C1QTNF9: variants seen among roughly 807,000 people sequenced by gnomAD.
C1QTNF9 encodes complement C1q and tumor necrosis factor-related protein 9A.
C1QTNF9 carries 6 observed loss-of-function variants against 10.1 expected under a neutral mutation model. The ratio of observed to expected loss-of-function variants is 0.59; its 90% CI spans 0.32 to 1.17. The LOEUF (loss-of-function observed/expected upper bound fraction) is 1.17. C1QTNF9 is among the 50% of genes most tolerant of loss of function. The probability of loss-of-function intolerance (pLI) is 0.04; values close to 1 mark genes in which losing one functional copy is unlikely to be tolerated. For synonymous variants in C1QTNF9, 98 were observed against 163.5 expected (o/e 0.60, Z 3.06); for missense variants, 201 against 418.8 (o/e 0.48, Z 4.54).
At chr13:24,309,684 T>C (rs1459534107) in intron 1 of C1QTNF9, 68 bp downstream of exon 1, 1 of 152,214 alleles carries the variant, frequency 6.6e-6, no homozygotes, top group Non-Finnish European at 1.5e-5. Context: ...ACAACGCTTA[T>C]ATTATCTGTG....
At chr13:24,307,503 AAGTCAACAGCCC>A (rs1187365800), upstream of C1QTNF9, among the ~76,000 whole-genome samples, 1 of 152,244 alleles carries the variant, frequency 6.6e-6, no homozygotes, top group Non-Finnish European at 1.5e-5. Flanking sequence ...CAGAAGAGCT[AAGTCAACAGCCC>A]ATTGTTTGCT....
In C1QTNF9 at chr13:24,312,913, C is replaced by G. The variant is rs552337224; in HGVS notation, c.-22-3069C>G. On this transcript the variant is annotated intron_variant, in intron 1 of 3. Transcript: ENST00000332018. ...GAGCTTGCAGTGAGCCAAGATCGCG[C>G]CACTGCACTCCAGCCTGGGCGACAG... 2.5e-4 allele frequency among the ~76,000 whole-genome samples: 38 copies of G among 150,338 alleles called. 1 individual carries two copies. The South Asian group carries it at 7.4e-3, about 29-fold the overall frequency.
chr13:24,316,326 C>T (rs916033669), intron 2 of C1QTNF9, among the ~76,000 whole-genome samples, 157 bp downstream of exon 2: 1 of 152,112 alleles, frequency 6.6e-6, no homozygotes, highest in Non-Finnish European at 1.5e-5. Flanking sequence ...TGACCCCATT[C>T]ATCCATCCAC....
intron 1 of C1QTNF9, 100 bp from the exon 2 acceptor site, chr13:24,315,882 A>G (rs887347370): frequency 4.7e-5 from 60 of 1,282,598 alleles, no homozygotes; most frequent in Non-Finnish European, 6.4e-5. Flanking sequence ...GGTCTGGGGC[A>G]GGGGACAGCT....
chr13:24,312,976 A>G (rs1877892870), intron 1 of C1QTNF9, among the ~76,000 whole-genome samples: 1 of 152,000 alleles, frequency 6.6e-6, no homozygotes, highest in South Asian at 2.1e-4. Flanking sequence ...AAAAGAAAAA[A>G]AAAATAGTGC....
chr13:24,322,231 A>T (rs115257791), exon 4 of C1QTNF9: 3,290 of 154,410 alleles, frequency 0.021, 92 homozygotes, highest in African/African-American at 0.073. Flanking sequence ...TTTTAAAAAA[A>T]TTTTATTTTA....
intron 2 of C1QTNF9, among the ~76,000 whole-genome samples, chr13:24,317,813 G>A (rs1878099410): frequency 6.8e-6 from 1 of 148,058 alleles, no homozygotes; most frequent in Non-Finnish European, 1.5e-5. Context: ...CAAAAAGAGG[G>A]AAGGAGAGGA....
At chr13:24,320,387 TA>T (rs1390056875) in intron 3 of C1QTNF9, among the ~76,000 whole-genome samples, 2 of 152,192 alleles carry the variant, frequency 1.3e-5, no homozygotes, top group Non-Finnish European at 2.9e-5. Context: ...GATTTTCATT[TA>T]TTTTTATTTT....
upstream of C1QTNF9, among the ~76,000 whole-genome samples, chr13:24,309,283 T>TATATATATATATATATATATATA: frequency 1.5e-5 from 1 of 68,294 alleles, no homozygotes; most frequent in Non-Finnish European, 3.4e-5. Context: ...ACTTAAAGTA[T>TATATATATATATATATATATATA]TATATATATA....
At chr13:24,311,919 C>T (rs879877337) in intron 1 of C1QTNF9, among the ~76,000 whole-genome samples, 3 of 152,150 alleles carry the variant, frequency 2.0e-5, no homozygotes, top group Admixed American at 6.5e-5. Context: ...CCTTTAAGGC[C>T]GGTCATTGCA....
intron 3 of C1QTNF9, among the ~76,000 whole-genome samples, chr13:24,319,279 C>T (rs1279652772): frequency 2.0e-5 from 3 of 152,216 alleles, no homozygotes; most frequent in Non-Finnish European, 4.4e-5. Flanking sequence ...TGGCCCACAC[C>T]TGTAATCCCA....
At chr13:24,315,017 AT>A (rs1425401385) in intron 1 of C1QTNF9, among the ~76,000 whole-genome samples, 1 of 152,094 alleles carries the variant, frequency 6.6e-6, no homozygotes, top group Non-Finnish European at 1.5e-5. Flanking sequence ...TAAAAATTTA[AT>A]TTAATTGTTT....
intron 2 of C1QTNF9, among the ~76,000 whole-genome samples, chr13:24,317,011 A>T (rs1254257268): frequency 1.3e-5 from 2 of 152,234 alleles, no homozygotes; most frequent in Non-Finnish European, 2.9e-5. Flanking sequence ...ATCTCAGCTT[A>T]TGGCATTTGG....
intron 2 of C1QTNF9, among the ~76,000 whole-genome samples, chr13:24,317,583 C>T (rs1878089789): frequency 6.6e-6 from 1 of 151,094 alleles, no homozygotes; most frequent in Admixed American, 6.6e-5. Context: ...ATTGCTCACA[C>T]TAAAAATTTA....
chr13:24,315,973 C>G lies in C1QTNF9; in HGVS notation c.-22-9C>G, dbSNP rs1431466781. 1 of 1,612,990 alleles carries G rather than the reference C, an allele frequency of 6.2e-7. No homozygotes were observed. The highest frequency in any genetic ancestry group is 8.5e-7 in the Non-Finnish European group (1 of 1,179,342). The stretch of plus-strand genomic sequence containing the variant: ...ATTTCTCCTTTGGGTTTCTGTTTCC[C>G]TCTTTCAGTTCAGAGTCTGTCATCT... On this transcript the variant is annotated splice_polypyrimidine_tract_variant and intron_variant, in intron 1 of 3. Coordinates refer to ENST00000332018, the Ensembl canonical transcript of C1QTNF9.
At chr13:24,313,366 T>G (rs1239826120) in intron 1 of C1QTNF9, among the ~76,000 whole-genome samples, 3 of 152,258 alleles carry the variant, frequency 2.0e-5, no homozygotes, top group Non-Finnish European at 4.4e-5. Context: ...GACACCTTTA[T>G]GATCTTCTGA....
intron 2 of C1QTNF9, among the ~76,000 whole-genome samples, 183 bp downstream of exon 2, chr13:24,316,352 C>T (rs981459010): frequency 2.6e-5 from 4 of 152,076 alleles, no homozygotes; most frequent in African/African-American, 7.3e-5. Context: ...TGCCCAGCAA[C>T]ACTCACGGGG....
At chr13:24,321,731 C>G in exon 4 of C1QTNF9, 1 of 1,596,592 alleles carries the variant, frequency 6.3e-7, no homozygotes, top group African/African-American at 1.3e-5. Flanking sequence ...GACGATGACA[C>G]AACTTTCACA....
exon 2 of C1QTNF9, chr13:24,316,098 G>A (rs1403576860): frequency 6.2e-7 from 1 of 1,613,110 alleles, no homozygotes; most frequent in Non-Finnish European, 8.5e-7. Flanking sequence ...GGAATCCCTG[G>A]GAACCCCGGT....
Sources: allele counts gnomAD v4.1 joint callset (sites outside exome capture counted in the v4.1 genomes callset), GRCh38; gene constraint gnomAD v4.1.1; transcripts MANE v1.5; gene names NCBI Gene and HGNC (gene_info 2026-07-23, HGNC 2026-07-21).